Variants in CSMD1 observed in about 807,000 individuals in gnomAD.
CSMD1 encodes the protein CUB and sushi domain-containing protein 1.
In CSMD1, 213 loss-of-function variants were observed where a neutral mutation model predicts 417.5. The ratio of observed to expected loss-of-function variants is 0.51; its 90% CI spans 0.46 to 0.57. CSMD1 has a LOEUF of 0.57. CSMD1 is among the 20% of genes least tolerant of loss of function. The pLI, the probability that CSMD1 is intolerant of heterozygous loss-of-function variation, is 0.00. For synonymous variants in CSMD1, 2,862 were observed against 1,736.8 expected, an observed-to-expected ratio of 1.65 and a Z score of -16.11; for missense variants, 6,923 against 4,529.7, an observed-to-expected ratio of 1.53 and a Z score of -15.17.
chr8:3,176,747 C>G (rs552611268), intron 37 of CSMD1, among the ~76,000 whole-genome samples: 1 of 151,636 alleles, frequency 6.6e-6, no homozygotes, highest in African/African-American at 2.4e-5. Flanking sequence ...CTGGTGACCT[C>G]ATTTCCTTTT....
At chr8:3,956,563 A>G (rs531822107) in intron 5 of CSMD1, among the ~76,000 whole-genome samples, 336 of 152,366 alleles carry the variant, frequency 2.2e-3, no homozygotes, top group African/African-American at 7.7e-3. Flanking sequence ...AATACTTAAT[A>G]TGTATCAAAT....
At chr8:4,864,783 A>G (rs1802327177) in intron 1 of CSMD1, among the ~76,000 whole-genome samples, 1 of 151,572 alleles carries the variant, frequency 6.6e-6, no homozygotes, top group East Asian at 1.9e-4. Context: ...TACGTTAGCT[A>G]AAGCAGATAA....
intron 5 of CSMD1, among the ~76,000 whole-genome samples, chr8:3,982,796 C>A (rs945313117): frequency 6.6e-6 from 1 of 152,164 alleles, no homozygotes; most frequent in African/African-American, 2.4e-5. Flanking sequence ...GGGCAAGAAT[C>A]CGCTGGAGGA....
chr8:4,822,917 C>G (rs918896359), intron 1 of CSMD1, among the ~76,000 whole-genome samples: 1 of 152,044 alleles, frequency 6.6e-6, no homozygotes, highest in African/African-American at 2.4e-5. Flanking sequence ...CTTTCTGTGA[C>G]TAATATTTTG....
intron 1 of CSMD1, among the ~76,000 whole-genome samples, chr8:4,735,777 T>G (rs1810195596): frequency 6.6e-6 from 1 of 152,130 alleles, no homozygotes; most frequent in African/African-American, 2.4e-5. Flanking sequence ...GCCGAGGATT[T>G]GAATTTTAGA....
intron 5 of CSMD1, among the ~76,000 whole-genome samples, chr8:3,860,522 A>G (rs1804627792): frequency 6.6e-6 from 1 of 152,190 alleles, no homozygotes; most frequent in African/African-American, 2.4e-5. Flanking sequence ...CCTTGTACAT[A>G]AATTACTCTG....
At chr8:4,469,352 T>A (rs759959274) in intron 2 of CSMD1, among the ~76,000 whole-genome samples, 3 of 152,182 alleles carry the variant, frequency 2.0e-5, no homozygotes, top group Non-Finnish European at 4.4e-5. Context: ...TTATTTTACC[T>A]TGTCCACGTG....
At chr8:3,673,976 G>A (rs1434746257) in intron 7 of CSMD1, among the ~76,000 whole-genome samples, 1 of 152,100 alleles carries the variant, frequency 6.6e-6, no homozygotes, top group Admixed American at 6.5e-5. Flanking sequence ...AAATTAGCCA[G>A]GCATGGTGGC....
chr8:3,309,157 C>A (rs1584973573), intron 23 of CSMD1, among the ~76,000 whole-genome samples: 3 of 152,116 alleles, frequency 2.0e-5, no homozygotes, highest in Admixed American at 2.0e-4. Flanking sequence ...TGCCTCTTTG[C>A]CCCTCTGTCA....
chr8:3,945,013 G>T (rs1811127288), intron 5 of CSMD1, among the ~76,000 whole-genome samples: 1 of 152,154 alleles, frequency 6.6e-6, no homozygotes, highest in African/African-American at 2.4e-5. Flanking sequence ...AGTCAAATGT[G>T]AAATGTCAGA....
At chr8:3,887,634 G>A (rs1029439208) in intron 5 of CSMD1, among the ~76,000 whole-genome samples, 24 of 152,200 alleles carry the variant, frequency 1.6e-4, no homozygotes, top group Admixed American at 1.3e-3. Context: ...ATAGAGAGTT[G>A]AGAACACTGT....
chr8:3,410,028 G>A (rs1053872621), intron 12 of CSMD1, among the ~76,000 whole-genome samples: 2 of 152,104 alleles, frequency 1.3e-5, no homozygotes, highest in Non-Finnish European at 2.9e-5. Flanking sequence ...TAAATAAATA[G>A]AATCTATTTG....
intron 3 of CSMD1, among the ~76,000 whole-genome samples, chr8:4,402,454 G>A (rs1331224437): frequency 6.6e-6 from 1 of 152,100 alleles, no homozygotes; most frequent in Non-Finnish European, 1.5e-5. Flanking sequence ...ATAGCATGGA[G>A]CTAAGCTTCC....
chr8:3,860,144 A>C (rs769760930), intron 5 of CSMD1, among the ~76,000 whole-genome samples: 1 of 152,136 alleles, frequency 6.6e-6, no homozygotes, highest in African/African-American at 2.4e-5. Context: ...AATCTAATAC[A>C]TATTAACCCC....
Position 3,795,970 on chromosome 8 carries a change from C to A in CSMD1, c.819-41928G>T, listed in dbSNP as rs868850728. 1.9e-4 allele frequency among the ~76,000 whole-genome samples: 10 copies of A among 51,664 alleles called. 1 individual carries two copies. Among genetic ancestry groups the A allele is most frequent in the African/African-American group, 4.0e-4 (6 of 15,174 alleles). 33.9% of individuals were successfully genotyped at this position (51,664 alleles called of 152,430 possible). On this transcript the variant is annotated intron_variant, in intron 5 of 69. Coordinates refer to ENST00000635120, the MANE Select transcript of CSMD1 (RefSeq NM_033225.6). Reference sequence around the variant, plus strand: ...ATCTATCATGTACAGATATAGATATCTATCATGTACAGATATAGATATATA... The same window carrying A: ...ATCTATCATGTACAGATATAGATATATATCATGTACAGATATAGATATATA...
chr8:3,359,209 G>A lies in CSMD1; in HGVS notation c.3247C>T (p.Leu1083Phe). Residue 1083 changes from leucine (L) to phenylalanine (F), a missense_variant, in exon 21 of 70, where the codon CTT becomes TTT. Coordinates refer to ENST00000635120, the MANE Select transcript of CSMD1 (RefSeq NM_033225.6). The stretch of plus-strand genomic sequence containing the variant: ...CGGCGGCCCCCACCCAGGCAGGTAA[G>A]CTTGGTGGCACCTTCTAAACGATAT... ...LGYRLEGATK[L>F]TCLGGGRRVW... The A allele has an allele frequency of 6.2e-7, 1 of 1,613,938 alleles. No individual in the cohort carries two copies. The highest frequency in any genetic ancestry group is 8.5e-7 in the Non-Finnish European group (1 of 1,179,896).
At chr8:3,981,474 G>A (rs1183202279) in intron 5 of CSMD1, among the ~76,000 whole-genome samples, 6 of 125,862 alleles carry the variant, frequency 4.8e-5, no homozygotes, top group South Asian at 2.5e-4. Flanking sequence ...AATACCACCT[G>A]TACTCCAATA....
intron 3 of CSMD1, among the ~76,000 whole-genome samples, chr8:4,255,847 T>C (rs1803420305): frequency 6.6e-6 from 1 of 152,194 alleles, no homozygotes; most frequent in Admixed American, 6.5e-5. Flanking sequence ...ATCTTTTAAG[T>C]TTACTTCACA....
chr8:4,705,097 G>A (rs1038291028), intron 1 of CSMD1, among the ~76,000 whole-genome samples: 6 of 152,118 alleles, frequency 3.9e-5, no homozygotes, highest in Non-Finnish European at 8.8e-5. Context: ...ATAAGTGTTT[G>A]ACAGTTCCTC....
Sources: gnomAD v4.1 joint callset for allele counts (sites outside exome capture counted in the v4.1 genomes callset) on GRCh38, gnomAD v4.1.1 for gene constraint, MANE v1.5 for transcripts, NCBI Gene and HGNC (gene_info 2026-07-23, HGNC 2026-07-21) for gene names.